The following MTDH variants were observed in gnomAD, a reference collection of about 807,000 sequenced individuals.
The protein encoded by MTDH is metadherin, also known as protein LYRIC.
Under a neutral mutation model 72.7 loss-of-function variants are expected in MTDH, and 34 were observed. The observed-to-expected ratio is 0.47, with a 90% CI of 0.36 to 0.62. The LOEUF is 0.62. MTDH is among the 20% of genes least tolerant of loss of function. MTDH has a pLI of 0.00. For missense variants in MTDH, 677 were observed against 699.4 expected, an observed-to-expected ratio of 0.97 and a Z score of 0.36; for synonymous variants, 266 against 268.9, an observed-to-expected ratio of 0.99 and a Z score of 0.10.
chr8:97,695,970 G>A (rs1813819767), intron 6 of MTDH, among the ~76,000 whole-genome samples: 2 of 152,294 alleles, frequency 1.3e-5, no homozygotes, highest in South Asian at 2.1e-4. Context: ...CTAGCTATCA[G>A]CAAGTCACTT....
chr8:97,671,225 C>A (rs1812609809), intron 2 of MTDH, among the ~76,000 whole-genome samples: 1 of 152,010 alleles, frequency 6.6e-6, no homozygotes, highest in Non-Finnish European at 1.5e-5. Flanking sequence ...TCTCGGCCTC[C>A]CAAAGTGCTG....
At position 97,663,892 on chromosome 8, in the gene MTDH, T is replaced by A. The variant is rs1160423832; in HGVS notation, c.483+2719T>A. ...AATTTGAGGCTTATGTTACCTGAGC[T>A]ATTGAAAGTATAGTCAGTTCTAACC... On this transcript the variant is annotated intron_variant, in intron 2 of 11. Coordinates refer to ENST00000336273, the MANE Select transcript of MTDH (RefSeq NM_178812.4). Among the ~76,000 whole-genome samples the A allele has an allele frequency of 2.6e-5, 4 of 152,200 alleles. No homozygotes were observed. The East Asian group carries it at 7.7e-4, about 29-fold the overall frequency.
At chr8:97,662,316 C>T (rs558285263) in intron 2 of MTDH, among the ~76,000 whole-genome samples, 3 of 149,578 alleles carry the variant, frequency 2.0e-5, no homozygotes, top group African/African-American at 4.9e-5. Flanking sequence ...GGATTACAGG[C>T]GTGAGGTACC....
At chr8:97,705,594 C>A (rs756497773) in intron 7 of MTDH, among the ~76,000 whole-genome samples, 7 of 152,022 alleles carry the variant, frequency 4.6e-5, no homozygotes, top group East Asian at 1.9e-4. Flanking sequence ...AGCAAGACTC[C>A]GTCTTGGGGA....
chr8:97,661,780 A>G (rs950845617), intron 2 of MTDH, among the ~76,000 whole-genome samples: 4 of 152,030 alleles, frequency 2.6e-5, no homozygotes, highest in Admixed American at 6.6e-5. Flanking sequence ...TTGTCATTAC[A>G]AAAAATACCA....
chr8:97,723,512 G>A (rs1179556518), intron 11 of MTDH, among the ~76,000 whole-genome samples: 2 of 151,916 alleles, frequency 1.3e-5, no homozygotes, highest in Non-Finnish European at 2.9e-5. Context: ...GAGAGGCTGA[G>A]GCGGGCGGAT....
chr8:97,677,180 CAAAAAAAAAAA>C (rs71271142), intron 2 of MTDH, among the ~76,000 whole-genome samples: 35 of 44,128 alleles, frequency 7.9e-4, no homozygotes, highest in South Asian at 2.2e-3. Context: ...AAGCCTGTCT[CAAAAAAAAAAA>C]AAAAAAAAAA....
At chr8:97,719,405 A>C (rs1272532608) in intron 10 of MTDH, among the ~76,000 whole-genome samples, 1 of 150,720 alleles carries the variant, frequency 6.6e-6, no homozygotes, top group African/African-American at 2.5e-5. Flanking sequence ...AGGCAGGAGA[A>C]TCGCTTGAAC....
intron 1 of MTDH, among the ~76,000 whole-genome samples, chr8:97,653,073 C>A (rs1046268020): frequency 6.6e-6 from 1 of 150,956 alleles, no homozygotes; most frequent in Non-Finnish European, 1.5e-5. Context: ...GAGCCGAGAT[C>A]GCACCACTGT....
At chr8:97,689,246 G>C in intron 5 of MTDH, 143 bp downstream of exon 5, 1 of 448,678 alleles carries the variant, frequency 2.2e-6, no homozygotes, top group Non-Finnish European at 4.0e-6. Context: ...CATAATCACA[G>C]TACAGAGATT....
chr8:97,647,995 C>T (rs1175674140), intron 1 of MTDH, among the ~76,000 whole-genome samples: 1 of 150,952 alleles, frequency 6.6e-6, no homozygotes, highest in African/African-American at 2.4e-5. Context: ...CTGATCTTTT[C>T]GTTCCATTAT....
At position 97,726,339 on chromosome 8, in the gene MTDH, A is replaced by G. The variant is rs538446098; in HGVS notation, c.*1669A>G. 3.3e-5 allele frequency: 5 copies of G among 152,792 alleles called. No homozygotes were observed. The highest frequency in any genetic ancestry group is 2.1e-4 in the South Asian group (1 of 4,832). The allele number at this position is 152,792 out of a possible 1,614,324, so 9.5% of individuals were successfully genotyped here. On this transcript the variant is annotated 3_prime_UTR_variant, in exon 12 of 12. Transcript: ENST00000336273. ...ATAGCATTGTTTTTTATTTGCTTCA[A>G]TATGGGGGTAGATAATAGCTAAAGA...
chr8:97,693,622 A>G (rs1007669747), intron 6 of MTDH, among the ~76,000 whole-genome samples: 1 of 152,152 alleles, frequency 6.6e-6, no homozygotes, highest in East Asian at 1.9e-4. Context: ...CACCATGCCC[A>G]GCCGTTTCTT....
chr8:97,685,211 G>GT lies in MTDH; in HGVS notation c.484-1454dup, dbSNP rs1813311944. 2.0e-5 allele frequency among the ~76,000 whole-genome samples: 3 copies of GT among 151,870 alleles called. No homozygotes were observed. In the South Asian group the frequency reaches 6.2e-4, roughly 32 times the overall value. The stretch of plus-strand genomic sequence containing the variant: ...TTTTTTTTAAGTGGATATGAGTCTA[G>GT]TTTAGTACATGTAATAAAGCAGTAT... On this transcript the variant is annotated intron_variant, in intron 2 of 11. Transcript: ENST00000336273.
At chr8:97,677,495 AAAAAAAAAAGAAAGAAAG>A (rs1812904138) in intron 2 of MTDH, among the ~76,000 whole-genome samples, 1 of 151,312 alleles carries the variant, frequency 6.6e-6, no homozygotes, top group Admixed American at 6.6e-5. Flanking sequence ...CATCTCAAAA[AAAAAAAAAAGAAAGAAAG>A]AAAGAAAAGA....
intron 2 of MTDH, among the ~76,000 whole-genome samples, chr8:97,669,972 T>C (rs1448545377): frequency 6.6e-6 from 1 of 151,784 alleles, no homozygotes; most frequent in Non-Finnish European, 1.5e-5. Flanking sequence ...TCTGTGTATA[T>C]GTAGCCTGGA....
chr8:97,672,259 A>T (rs1812655255), intron 2 of MTDH, among the ~76,000 whole-genome samples: 2 of 152,292 alleles, frequency 1.3e-5, no homozygotes, highest in South Asian at 4.1e-4. Context: ...AGACCTTATG[A>T]TCTGCAAAGC....
At chr8:97,657,232 G>T (rs547952574) in intron 1 of MTDH, among the ~76,000 whole-genome samples, 1 of 152,146 alleles carries the variant, frequency 6.6e-6, no homozygotes. Context: ...TCTACAAGGA[G>T]TTTATCCATC....
intron 8 of MTDH, among the ~76,000 whole-genome samples, chr8:97,711,427 A>T (rs1814629711): frequency 6.6e-6 from 1 of 151,964 alleles, no homozygotes; most frequent in South Asian, 2.1e-4. Flanking sequence ...CTGTGCAGTG[A>T]GCCTTGATTG....
Sources: gnomAD v4.1 joint callset for allele counts (sites outside exome capture counted in the v4.1 genomes callset) on GRCh38, gnomAD v4.1.1 for gene constraint, MANE v1.5 for transcripts, NCBI Gene and HGNC (gene_info 2026-07-23, HGNC 2026-07-21) for gene names.